NTRK2: variants seen among roughly 807,000 people sequenced by gnomAD.
The protein encoded by NTRK2 is neurotrophic receptor tyrosine kinase 2, also known as BDNF/NT-3 growth factors receptor.
NTRK2 carries 13 observed loss-of-function variants against 94.5 expected under a neutral mutation model. That is an observed-to-expected ratio of 0.14 (90% confidence interval 0.09 to 0.22). The LOEUF is 0.22. Among genes scored for constraint, NTRK2 ranks in the 10% least tolerant of loss-of-function variants. The pLI is 1.00. For missense variants in NTRK2, 639 were observed against 1,071.2 expected, an observed-to-expected ratio of 0.60 and a Z score of 5.63; for synonymous variants, 372 against 407.4, an observed-to-expected ratio of 0.91 and a Z score of 1.05.
At chr9:84,814,804 G>C in intron 12 of NTRK2, 2 of 1,064,264 alleles carry the variant, frequency 1.9e-6, no homozygotes, top group Non-Finnish European at 2.3e-6. Context: ...CCAGCCACAT[G>C]GGCAGGGCCA....
chr9:84,832,054 C>T (rs1049700154), intron 12 of NTRK2, among the ~76,000 whole-genome samples: 3 of 152,132 alleles, frequency 2.0e-5, no homozygotes, highest in South Asian at 2.1e-4. Flanking sequence ...TTTCTAAATA[C>T]GAAGAGGTGT....
At chr9:84,819,355 G>A (rs1426736836) in intron 12 of NTRK2, among the ~76,000 whole-genome samples, 1 of 152,174 alleles carries the variant, frequency 6.6e-6, no homozygotes, top group Non-Finnish European at 1.5e-5. Context: ...GAAGTACAGA[G>A]TCGCCAGCAC....
chr9:84,999,784 CA>C, intron 17 of NTRK2, among the ~76,000 whole-genome samples: 1 of 152,312 alleles, frequency 6.6e-6, no homozygotes, highest in East Asian at 1.9e-4. Context: ...GACTTCCAGC[CA>C]CACTGACTCC....
chr9:84,796,259 C>A (rs1439648243), intron 12 of NTRK2, among the ~76,000 whole-genome samples: 1 of 152,122 alleles, frequency 6.6e-6, no homozygotes. Flanking sequence ...TGTTTGTGAC[C>A]TAGTGGTCTC....
chr9:84,918,227 C>A (rs560016649), intron 14 of NTRK2, among the ~76,000 whole-genome samples: 75 of 152,324 alleles, frequency 4.9e-4, no homozygotes, highest in Non-Finnish European at 1.0e-3. Context: ...AAGACTCCAA[C>A]AGCGCCAAGC....
intron 12 of NTRK2, among the ~76,000 whole-genome samples, chr9:84,842,132 T>C (rs1306055828): frequency 6.6e-6 from 1 of 152,220 alleles, no homozygotes; most frequent in Admixed American, 6.5e-5. Flanking sequence ...CCAGCCAGTC[T>C]TGCATACCAT....
chr9:84,939,051 C>CTAAAA (rs2078308302), intron 15 of NTRK2, among the ~76,000 whole-genome samples: 1 of 68,414 alleles, frequency 1.5e-5, no homozygotes, highest in Non-Finnish European at 2.7e-5. Context: ...GACCCCAACT[C>CTAAAA]AAAAAAAAAA....
intron 2 of NTRK2, among the ~76,000 whole-genome samples, chr9:84,695,070 A>AG: frequency 7.0e-6 from 1 of 143,254 alleles, no homozygotes; most frequent in Non-Finnish European, 1.5e-5. Context: ...AAAAAAAAAA[A>AG]AAAACACACA....
intron 12 of NTRK2, among the ~76,000 whole-genome samples, chr9:84,805,509 G>C (rs554296700): frequency 1.3e-5 from 2 of 152,156 alleles, no homozygotes; most frequent in Admixed American, 6.5e-5. Flanking sequence ...ATGTGATTTC[G>C]TACTGGAAGC....
chr9:84,720,216 G>A (rs2061974750), intron 6 of NTRK2, among the ~76,000 whole-genome samples: 1 of 152,038 alleles, frequency 6.6e-6, no homozygotes, highest in Non-Finnish European at 1.5e-5. Flanking sequence ...AGAGTACAGG[G>A]AACACCAAAC....
chr9:84,945,727 A>G (rs545698090), intron 15 of NTRK2, among the ~76,000 whole-genome samples: 15 of 152,244 alleles, frequency 9.9e-5, no homozygotes, highest in Admixed American at 7.8e-4. Context: ...GCCACTGTTC[A>G]TTTTGTTATT....
intron 12 of NTRK2, among the ~76,000 whole-genome samples, chr9:84,792,499 C>T (rs1483838492): frequency 6.6e-6 from 1 of 152,176 alleles, no homozygotes; most frequent in South Asian, 2.1e-4. Flanking sequence ...AAAATTCCTT[C>T]TCTGCCACCT....
At chr9:84,715,124 A>G (rs1442682368) in intron 6 of NTRK2, among the ~76,000 whole-genome samples, 2 of 152,196 alleles carry the variant, frequency 1.3e-5, no homozygotes, top group African/African-American at 2.4e-5. Flanking sequence ...CTCCTTGATC[A>G]TAACAGGCAT....
intron 14 of NTRK2, among the ~76,000 whole-genome samples, chr9:84,920,509 C>T (rs370007607): frequency 6.6e-6 from 1 of 152,144 alleles, no homozygotes; most frequent in African/African-American, 2.4e-5. Context: ...CCACTCCTTC[C>T]GTCTGTTGCA....
intron 12 of NTRK2, among the ~76,000 whole-genome samples, chr9:84,777,762 A>C (rs550575041): frequency 2.6e-5 from 4 of 152,206 alleles, no homozygotes; most frequent in African/African-American, 9.6e-5. Context: ...AGCCATTGCA[A>C]AACAGTCATA....
At chr9:85,004,243 C>T (rs989221361) in intron 17 of NTRK2, among the ~76,000 whole-genome samples, 1 of 151,824 alleles carries the variant, frequency 6.6e-6, no homozygotes, top group Non-Finnish European at 1.5e-5. Flanking sequence ...AAGATTGTTC[C>T]AAAGTCTGAT....
chr9:84,677,958 T>C (rs916535936), intron 2 of NTRK2, among the ~76,000 whole-genome samples: 7 of 152,186 alleles, frequency 4.6e-5, no homozygotes, highest in East Asian at 1.9e-4. Flanking sequence ...TTAGAGTTCC[T>C]TTTTTTATGT....
chr9:84,938,228 C>A (rs949927027), intron 15 of NTRK2, among the ~76,000 whole-genome samples: 4 of 152,186 alleles, frequency 2.6e-5, no homozygotes, highest in Non-Finnish European at 5.9e-5. Context: ...TTTCCAAATT[C>A]TTTCTTGTCA....
At chr9:84,961,374 AGTTT>A (rs1356352751) in intron 17 of NTRK2, among the ~76,000 whole-genome samples, 2 of 152,218 alleles carry the variant, frequency 1.3e-5, no homozygotes, top group Non-Finnish European at 2.9e-5. Flanking sequence ...AAACCATAAG[AGTTT>A]GTTTATTTTA....
Sources: gnomAD v4.1 joint callset for allele counts (sites outside exome capture counted in the v4.1 genomes callset) on GRCh38, gnomAD v4.1.1 for gene constraint, MANE v1.5 for transcripts, NCBI Gene and HGNC (gene_info 2026-07-23, HGNC 2026-07-21) for gene names.